The following SHANK2 variants were observed in gnomAD, a reference collection of about 807,000 sequenced individuals.
SHANK2 encodes SH3 and multiple ankyrin repeat domains protein 2.
A neutral mutation model predicts 133.7 loss-of-function variants in SHANK2; 43 were observed. The ratio of observed to expected loss-of-function variants is 0.32; its 90% CI spans 0.25 to 0.41. SHANK2 has a LOEUF of 0.41. Among genes scored for constraint, SHANK2 ranks in the 10% least tolerant of loss-of-function variants. The pLI is 1.00. For synonymous variants in SHANK2, 1,017 were observed against 952.8 expected (o/e 1.07, Z -1.24); for missense variants, 1,994 against 2,235.8 (o/e 0.89, Z 2.18).
chr11:71,077,739 G>A (rs1488404406), intron 8 of SHANK2, among the ~76,000 whole-genome samples: 3 of 152,090 alleles, frequency 2.0e-5, no homozygotes, highest in Admixed American at 6.6e-5. Context: ...GCCAGGTGGT[G>A]GGCAGAAGGG....
In SHANK2 at chr11:70,894,330, G is replaced by A. The variant is rs1374793054; in HGVS notation, c.1174+2171C>T. Among the ~76,000 whole-genome samples, 41 of 152,118 alleles carry A rather than the reference G, an allele frequency of 2.7e-4. 1 individual carries two copies. The highest frequency in any genetic ancestry group is 2.1e-3 in the Admixed American group (32 of 15,268). ...AGCCTCCCGAGTAGCTGGGATTACC[G>A]GTGCCTGCCACCACACCCAGCTAAT... On this transcript the variant is annotated intron_variant, in intron 11 of 25. Transcript: ENST00000601538.
At chr11:70,750,839 G>A (rs144578448) in intron 14 of SHANK2, among the ~76,000 whole-genome samples, 9 of 152,290 alleles carry the variant, frequency 5.9e-5, no homozygotes, top group South Asian at 2.1e-4. Context: ...CTCATTTGAC[G>A]TTGGAAACCA....
chr11:70,585,725 G>A (rs541171071), intron 17 of SHANK2, among the ~76,000 whole-genome samples: 127 of 150,076 alleles, frequency 8.5e-4, no homozygotes, highest in African/African-American at 3.0e-3. Context: ...CCACTCATTC[G>A]TCCATCCAAC....
In SHANK2 at chr11:70,500,914, A is replaced by G. The variant is rs1422208392; in HGVS notation, c.2288-324T>C. On this transcript the variant is annotated intron_variant, in intron 20 of 25. Transcript: ENST00000601538. This position sits in a 1 kb window ranked among gnomAD's most constrained non-coding sequence, Gnocchi z 4.5. Reference sequence around the variant, plus strand: ...CAAAGTAGGGAGGAGTTCTCAGAGCAGACATGAGCAGAGGTGGCGGGGCCA... The same window carrying G: ...CAAAGTAGGGAGGAGTTCTCAGAGCGGACATGAGCAGAGGTGGCGGGGCCA... 6.9e-6 allele frequency among the ~76,000 whole-genome samples: 1 copy of G among 145,698 alleles called. No individual in the cohort carries two copies. The highest frequency in any genetic ancestry group is 1.5e-5 in the Non-Finnish European group (1 of 67,988).
intron 14 of SHANK2, among the ~76,000 whole-genome samples, chr11:70,716,032 C>T (rs1555027175): frequency 6.6e-6 from 1 of 152,138 alleles, no homozygotes; most frequent in African/African-American, 2.4e-5. Context: ...CCTCCAACAC[C>T]CACTGCCTAA....
At chr11:70,630,617 G>A (rs957497218) in intron 17 of SHANK2, among the ~76,000 whole-genome samples, 4 of 152,200 alleles carry the variant, frequency 2.6e-5, no homozygotes, top group Non-Finnish European at 5.9e-5. Context: ...CTTATAAGGA[G>A]GGAAAATACA....
In SHANK2 at chr11:71,207,162, C is replaced by G. The variant is rs1275387495; in HGVS notation, c.-13+17535G>C. ...AAAAATAGGAACATTTGGATTCAAC[C>G]AACACTTTAAAATTCCTTTTTTTTT... On this transcript the variant is annotated intron_variant, in intron 2 of 25. Transcript: ENST00000601538. 2.7e-5 allele frequency among the ~76,000 whole-genome samples: 4 copies of G among 147,272 alleles called. No homozygotes were observed. In the East Asian group the frequency reaches 8.0e-4, roughly 29 times the overall value.
chr11:71,093,085 A>G (rs115933309), intron 7 of SHANK2, among the ~76,000 whole-genome samples: 1 of 148,450 alleles, frequency 6.7e-6, no homozygotes, highest in African/African-American at 2.5e-5. Context: ...TTAGACAACT[A>G]CATTTCTAGT....
intron 17 of SHANK2, among the ~76,000 whole-genome samples, chr11:70,560,289 T>C (rs1554980551): frequency 6.6e-6 from 1 of 152,104 alleles, no homozygotes; most frequent in Non-Finnish European, 1.5e-5. Flanking sequence ...CTCTACCATA[T>C]CTTCAAAAAA....
At chr11:70,665,332 G>T (rs1944659264) in intron 15 of SHANK2, among the ~76,000 whole-genome samples, 3 of 151,974 alleles carry the variant, frequency 2.0e-5, no homozygotes, top group African/African-American at 7.3e-5. Context: ...GTAGAGACAG[G>T]GTCTCACTGT....
chr11:70,895,075 T>C (rs1234050271), intron 11 of SHANK2, among the ~76,000 whole-genome samples: 4 of 152,252 alleles, frequency 2.6e-5, no homozygotes, highest in Middle Eastern at 3.4e-3. Context: ...TCAGAGCAAT[T>C]AAGTGATTTG....
chr11:70,916,612 A>C (rs1439438292), intron 10 of SHANK2, among the ~76,000 whole-genome samples: 2 of 152,182 alleles, frequency 1.3e-5, no homozygotes, highest in Non-Finnish European at 2.9e-5. Flanking sequence ...CAAGAGGATG[A>C]TGACCTAATT....
rs558333250 is a variant in SHANK2, at chr11:71,104,548, G to A, written c.592+5393C>T. Among the ~76,000 whole-genome samples the A allele has an allele frequency of 1.9e-4, 29 of 152,340 alleles. No individual in the cohort carries two copies. The South Asian group carries it at 4.8e-3, about 25-fold the overall frequency. ...GCTCTGGCCTCTCGTTGGAACTTGC[G>A]TTTAGCTTGTCCCCACTGATACTTG... On this transcript the variant is annotated intron_variant, in intron 6 of 25. Coordinates refer to ENST00000601538, the MANE Select transcript of SHANK2 (RefSeq NM_012309.5).
chr11:70,620,388 T>C (rs1403528234), intron 17 of SHANK2, among the ~76,000 whole-genome samples: 1 of 152,212 alleles, frequency 6.6e-6, no homozygotes, highest in African/African-American at 2.4e-5. Flanking sequence ...AATGGAGATT[T>C]TGGTGGCTGT....
chr11:70,953,239 C>T lies in SHANK2; in HGVS notation c.1108-56672G>A, dbSNP rs570833360. Among the ~76,000 whole-genome samples the T allele has an allele frequency of 5.9e-5, 9 of 152,144 alleles. No homozygotes were observed. The South Asian group carries it at 1.7e-3, about 28-fold the overall frequency. Reference sequence around the variant, plus strand: ...GATCCCTCATGAACAGATCCACGCCCTCCCCTCCGAAGTGAGTGTATTAAA... The same window carrying T: ...GATCCCTCATGAACAGATCCACGCCTTCCCCTCCGAAGTGAGTGTATTAAA... On this transcript the variant is annotated intron_variant, in intron 10 of 25. Coordinates refer to ENST00000601538, the MANE Select transcript of SHANK2 (RefSeq NM_012309.5).
chr11:70,603,482 A>C (rs10899233), intron 17 of SHANK2: 2 of 152,080 alleles, frequency 1.3e-5, no homozygotes, highest in Admixed American at 6.5e-5. Context: ...CCACAGCTGC[A>C]GTAAACCCAG....
chr11:70,941,241 T>C (rs1950642860), intron 10 of SHANK2, among the ~76,000 whole-genome samples: 1 of 152,212 alleles, frequency 6.6e-6, no homozygotes, highest in Middle Eastern at 3.2e-3. Flanking sequence ...CCCTGAGTTC[T>C]ATCTATTCAT....
At position 70,954,269 on chromosome 11, in the gene SHANK2, G is replaced by A. The variant is rs562148570; in HGVS notation, c.1108-57702C>T. On this transcript the variant is annotated intron_variant, in intron 10 of 25. Transcript: ENST00000601538. ...GAGAAGGGTCCGCTGAGCAGATTTC[G>A]TGGGTTTCTGAAAAGTGCAACGCCA... 4.6e-5 allele frequency among the ~76,000 whole-genome samples: 7 copies of A among 152,326 alleles called. No individual in the cohort carries two copies. The East Asian group carries it at 5.8e-4, about 13-fold the overall frequency.
chr11:70,820,375 G>A lies in SHANK2; in HGVS notation c.1482C>T (p.Leu494=). The A allele has an allele frequency of 1.6e-6, 1 of 642,970 alleles. No individual in the cohort carries two copies. Among genetic ancestry groups the A allele is most frequent in the African/African-American group, 1.8e-5 (1 of 54,878 alleles). 39.8% of individuals were successfully genotyped at this position (642,970 alleles called of 1,614,324 possible). ...CTGCCACTCCTTACCCGACATGCCA[G>A]AGAGGCTGCGGCCTCTTGCCGTCCT... The part of the protein sequence containing the change: ...AGEDGKRPQP[L]WHVGSPFALG... The change falls in exon 12 of 26, where the codon CTC becomes CTT. Residue 494 remains leucine (L), a synonymous_variant. Coordinates refer to ENST00000601538, the MANE Select transcript of SHANK2 (RefSeq NM_012309.5).
Sources: allele counts gnomAD v4.1 joint callset (sites outside exome capture counted in the v4.1 genomes callset), GRCh38; gene constraint gnomAD v4.1.1; non-coding constraint Gnocchi (gnomAD v3.1); transcripts MANE v1.5; gene names NCBI Gene and HGNC (gene_info 2026-07-23, HGNC 2026-07-21).